Variants in TGIF1 observed in about 807,000 individuals in gnomAD.
The protein encoded by TGIF1 is TGFB induced factor homeobox 1.
In TGIF1, 4 loss-of-function variants were observed where a neutral mutation model predicts 19.3. The ratio of observed to expected loss-of-function variants is 0.21; its 90% CI spans 0.10 to 0.47. The LOEUF (loss-of-function observed/expected upper bound fraction) is 0.47, where lower values mean the gene tolerates loss of function less well. Among genes scored for constraint, TGIF1 ranks in the 20% least tolerant of loss-of-function variants. The probability of loss-of-function intolerance (pLI) is 0.98; values close to 1 mark genes in which losing one functional copy is unlikely to be tolerated. For synonymous variants in TGIF1, 122 were observed against 129.3 expected, an observed-to-expected ratio of 0.94 and a Z score of 0.38; for missense variants, 275 against 341.4, an observed-to-expected ratio of 0.81 and a Z score of 1.53.
At position 3,450,430 on chromosome 18, in the gene TGIF1, T is replaced by TC. The variant is rs2082868343; in HGVS notation, c.-56dup. On this transcript the variant is annotated 5_prime_UTR_variant, in exon 1 of 3. Transcript: ENST00000343820. ...AGGAGACGTTCGCTTATCCCCTGTG[T>TC]CCCCGCTCCTGGCCCCTCCAGACCC... 3 of 1,551,396 alleles carry TC rather than the reference T, an allele frequency of 1.9e-6. No individual in the cohort carries two copies. Among genetic ancestry groups the TC allele is most frequent in the South Asian group, 2.4e-5 (2 of 84,074 alleles).
chr18:3,447,865 C>T, upstream of TGIF1: 1 of 1,584,672 alleles, frequency 6.3e-7, no homozygotes, highest in South Asian at 1.1e-5. Context: ...TCCGCCCCTC[C>T]CCCCTTCTCC....
At chr18:3,416,243 G>C (rs1341139851) in intron 1 of TGIF1, among the ~76,000 whole-genome samples, 2 of 152,216 alleles carry the variant, frequency 1.3e-5, no homozygotes, top group Non-Finnish European at 2.9e-5. Context: ...TTTGCAGCTG[G>C]GCACAGTGGC....
intron 2 of TGIF1, among the ~76,000 whole-genome samples, chr18:3,422,673 CTTTTTTTT>C (rs869116407): frequency 0.031 from 761 of 24,656 alleles, 48 homozygotes; most frequent in African/African-American, 0.052. Flanking sequence ...TATAGGTGGC[CTTTTTTTT>C]TTTTTTTTTT....
At chr18:3,422,575 T>A (rs1284385599) in intron 2 of TGIF1, among the ~76,000 whole-genome samples, 1 of 151,612 alleles carries the variant, frequency 6.6e-6, no homozygotes, top group Non-Finnish European at 1.5e-5. Flanking sequence ...TAATATTTTG[T>A]AGGCCTTCCC....
upstream of TGIF1, chr18:3,447,819 T>C (rs771219715): frequency 2.5e-6 from 4 of 1,614,092 alleles, no homozygotes; most frequent in Non-Finnish European, 3.4e-6. Context: ...TCTCCGTTTT[T>C]TCCTCCCCCT....
At chr18:3,452,170 C>T (rs776816609) in intron 1 of TGIF1, 17 of 1,613,678 alleles carry the variant, frequency 1.1e-5, no homozygotes, top group Non-Finnish European at 1.4e-5. Context: ...CCCCCAGCGC[C>T]GTGGTCCTCC....
upstream of TGIF1, chr18:3,447,559 T>G: frequency 1.3e-6 from 1 of 747,944 alleles, no homozygotes; most frequent in East Asian, 2.7e-5. Flanking sequence ...CCCTAGGCAC[T>G]TTCTTCCCAG....
chr18:3,415,331 G>A, intron 1 of TGIF1: 2 of 339,888 alleles, frequency 5.9e-6, no homozygotes, highest in South Asian at 4.8e-5. Context: ...GAGCAGAACT[G>A]GAATCTTATG....
Position 3,456,552 on chromosome 18 carries a change from C to A in TGIF1, c.215C>A (p.Ser72Tyr). 1 of 1,614,216 alleles carries A rather than the reference C, an allele frequency of 6.2e-7. No individual in the cohort carries two copies. The highest frequency in any genetic ancestry group is 8.5e-7 in the Non-Finnish European group (1 of 1,180,016). Residue 72 changes from serine to tyrosine, a missense_variant, in exon 2 of 3, where the codon TCC becomes TAC. Physicochemically the swap from Ser to Tyr is moderately radical, Grantham distance 144. Coordinates refer to ENST00000343820, the MANE Select transcript of TGIF1 (RefSeq NM_003244.4). The surrounding 1 kb of genome is among the most constrained non-coding windows in gnomAD (Gnocchi z 4.2). ...TCAGAGCAAGAAAAAGCGTTGCTGT[C>A]CCAGCAAACACACCTGTCTACGCTA... ...YPSEQEKALL[S>Y]QQTHLSTLQV... is the part of the protein sequence containing the mutation.
At chr18:3,454,075 C>G (rs775561247) in intron 1 of TGIF1, among the ~76,000 whole-genome samples, 23 of 152,338 alleles carry the variant, frequency 1.5e-4, no homozygotes, top group Non-Finnish European at 2.9e-4. Flanking sequence ...GAAGTCTTAA[C>G]TTCCTGTTAC....
At position 3,456,728 on chromosome 18, in the gene TGIF1, A is replaced by G. The variant is rs1456785348; in HGVS notation, c.243+148A>G. On this transcript the variant is annotated intron_variant, in intron 2 of 2. Coordinates refer to ENST00000343820, the MANE Select transcript of TGIF1 (RefSeq NM_003244.4). This position sits in a 1 kb window ranked among gnomAD's most constrained non-coding sequence, Gnocchi z 4.2. The stretch of plus-strand genomic sequence containing the variant: ...TGTAAACTTGATAGTGTTAAAAGCT[A>G]ATAACTAGCTATTTAGAGAACACAG... 1.3e-6 allele frequency: 1 copy of G among 764,046 alleles called. No homozygotes were observed. Among genetic ancestry groups the G allele is most frequent in the South Asian group, 1.4e-5 (1 of 69,164 alleles). 47.3% of individuals were successfully genotyped at this position (764,046 alleles called of 1,614,324 possible).
chr18:3,458,702 C>T lies in TGIF1; in HGVS notation c.*762C>T, dbSNP rs1021809854. 6.6e-6 allele frequency: 1 copy of T among 152,146 alleles called. No homozygotes were observed. Among genetic ancestry groups the T allele is most frequent in the African/African-American group, 2.4e-5 (1 of 41,416 alleles). 9.4% of individuals were successfully genotyped at this position (152,146 alleles called of 1,614,324 possible). On this transcript the variant is annotated 3_prime_UTR_variant, in exon 3 of 3. Transcript: ENST00000343820. ...CTAAATCCCTTGCTGATCTGTCCTG[C>T]GTAGTTTAAAACGTGGCCATGTTAT... is the stretch of plus-strand genomic sequence containing the variant.
chr18:3,444,017 C>T (rs1227490500), intron 2 of TGIF1, among the ~76,000 whole-genome samples: 1 of 151,690 alleles, frequency 6.6e-6, no homozygotes, highest in African/African-American at 2.4e-5. Flanking sequence ...TCACTGCAAC[C>T]TCCACCTCCC....
intron 2 of TGIF1, among the ~76,000 whole-genome samples, chr18:3,421,260 AAT>A (rs1179796961): frequency 2.7e-5 from 4 of 148,178 alleles, no homozygotes; most frequent in Middle Eastern, 3.6e-3. Flanking sequence ...TAGTATATAA[AAT>A]ATATATATAT....
Position 3,456,637 on chromosome 18 carries a change from T to C in TGIF1, c.243+57T>C. The C allele has an allele frequency of 6.7e-7, 1 of 1,491,682 alleles. No homozygotes were observed. Among genetic ancestry groups the C allele is most frequent in the Non-Finnish European group, 9.3e-7 (1 of 1,073,108 alleles). 92.4% of individuals were successfully genotyped at this position (1,491,682 alleles called of 1,614,324 possible). ...CATTTTTAGTTTCAAAGTCATTTTATGGCATTCCTGTGTGTCAAGTCATTA... is the reference window on the plus strand; with the variant it reads ...CATTTTTAGTTTCAAAGTCATTTTACGGCATTCCTGTGTGTCAAGTCATTA... On this transcript the variant is annotated intron_variant, in intron 2 of 2. Transcript: ENST00000343820. The surrounding 1 kb of genome is among the most constrained non-coding windows in gnomAD (Gnocchi z 4.2).
chr18:3,425,582 G>A (rs905232612), intron 2 of TGIF1, among the ~76,000 whole-genome samples: 1 of 152,076 alleles, frequency 6.6e-6, no homozygotes, highest in Non-Finnish European at 1.5e-5. Flanking sequence ...GCCCCACCCA[G>A]ACCAGTGACT....
chr18:3,438,872 C>T (rs974942540), intron 2 of TGIF1, among the ~76,000 whole-genome samples: 2 of 152,048 alleles, frequency 1.3e-5, no homozygotes, highest in Non-Finnish European at 2.9e-5. Flanking sequence ...GCTAGTAGAA[C>T]TAAAAGCATT....
Position 3,458,703 on chromosome 18 carries a change from G to A in TGIF1, c.*763G>A, listed in dbSNP as rs968852593. On this transcript the variant is annotated 3_prime_UTR_variant, in exon 3 of 3. Coordinates refer to ENST00000343820, the MANE Select transcript of TGIF1 (RefSeq NM_003244.4). ...TAAATCCCTTGCTGATCTGTCCTGC[G>A]TAGTTTAAAACGTGGCCATGTTATA... 3.3e-5 allele frequency: 5 copies of A among 152,184 alleles called. No homozygotes were observed. Among genetic ancestry groups the A allele is most frequent in the Admixed American group, 6.5e-5 (1 of 15,280 alleles). 9.4% of individuals were successfully genotyped at this position (152,184 alleles called of 1,614,324 possible). A position where few individuals can be genotyped will look rare whatever the true frequency, so the allele number is the denominator to read the frequency against.
At chr18:3,452,491 C>T in intron 1 of TGIF1, 5 of 1,519,532 alleles carry the variant, frequency 3.3e-6, no homozygotes, top group African/African-American at 1.4e-5. Flanking sequence ...CCTGGCGAGT[C>T]GTCTGGGGTG....
Sources: gnomAD v4.1 joint callset for allele counts (sites outside exome capture counted in the v4.1 genomes callset) on GRCh38, gnomAD v4.1.1 for gene constraint, Gnocchi (gnomAD v3.1) non-coding constraint, MANE v1.5 for transcripts, NCBI Gene and HGNC (gene_info 2026-07-23, HGNC 2026-07-21) for gene names.